Variants in EYS observed in about 807,000 individuals in gnomAD.
EYS encodes protein eyes shut homolog.
A neutral mutation model predicts 282.1 loss-of-function variants in EYS; 250 were observed. That is an observed-to-expected ratio of 0.89 (90% CI 0.80 to 0.98). EYS has a LOEUF of 0.98. Ranked by LOEUF, EYS falls within the 50% of genes least tolerant of loss-of-function variation. EYS has a pLI of 0.00. For missense variants in EYS, 4,016 were observed against 3,709.0 expected, an observed-to-expected ratio of 1.08 and a Z score of -2.15; for synonymous variants, 1,355 against 1,282.9, an observed-to-expected ratio of 1.06 and a Z score of -1.20.
chr6:65,466,579 C>T (rs547587998), intron 5 of EYS, among the ~76,000 whole-genome samples: 1 of 145,726 alleles, frequency 6.9e-6, no homozygotes, highest in Non-Finnish European at 1.5e-5. Flanking sequence ...AGGTCTTGGT[C>T]AAACCAAAAT....
At chr6:63,782,939 A>T (rs1228625474) in intron 39 of EYS, among the ~76,000 whole-genome samples, 1 of 149,212 alleles carries the variant, frequency 6.7e-6, no homozygotes, top group African/African-American at 2.5e-5. Context: ...TTTTTTTTTT[A>T]AACTGCAGTA....
chr6:65,502,138 A>G (rs1766475584), intron 2 of EYS, among the ~76,000 whole-genome samples: 3 of 151,762 alleles, frequency 2.0e-5, no homozygotes, highest in Non-Finnish European at 4.4e-5. Context: ...TTAAGTATAT[A>G]AAAGTCAAAG....
chr6:65,477,567 A>C (rs1471533289), intron 5 of EYS, among the ~76,000 whole-genome samples: 1 of 152,202 alleles, frequency 6.6e-6, no homozygotes, highest in Non-Finnish European at 1.5e-5. Flanking sequence ...ATCTGCCCCC[A>C]GTGATAGCCA....
At chr6:64,586,721 C>T (rs1033977018) in intron 26 of EYS, among the ~76,000 whole-genome samples, 3 of 151,766 alleles carry the variant, frequency 2.0e-5, no homozygotes, top group African/African-American at 7.3e-5. Flanking sequence ...AGGAAATGCC[C>T]CTTTGTCATT....
intron 2 of EYS, among the ~76,000 whole-genome samples, chr6:65,500,014 T>C (rs999504151): frequency 2.0e-5 from 3 of 150,538 alleles, no homozygotes; most frequent in Admixed American, 6.6e-5. Context: ...ATAAAAAGAG[T>C]AAAAAATAAA....
At chr6:64,368,426 G>T (rs913462582) in intron 29 of EYS, among the ~76,000 whole-genome samples, 2 of 152,082 alleles carry the variant, frequency 1.3e-5, no homozygotes, top group East Asian at 3.9e-4. Flanking sequence ...CTTTAGGTTA[G>T]AATGATTTAT....
intron 41 of EYS, among the ~76,000 whole-genome samples, chr6:63,732,567 G>C (rs1378128727): frequency 6.6e-6 from 1 of 152,182 alleles, no homozygotes; most frequent in Non-Finnish European, 1.5e-5. Flanking sequence ...CCAGTGATTA[G>C]TCATTGAGAT....
intron 28 of EYS, among the ~76,000 whole-genome samples, chr6:64,415,386 A>C (rs1774027925): frequency 6.6e-6 from 1 of 152,172 alleles, no homozygotes; most frequent in Non-Finnish European, 1.5e-5. Context: ...AAAAACAATA[A>C]ATGTTTTATT....
intron 2 of EYS, among the ~76,000 whole-genome samples, chr6:65,598,073 C>A (rs1765471382): frequency 6.6e-6 from 1 of 151,844 alleles, no homozygotes; most frequent in Non-Finnish European, 1.5e-5. Context: ...GCACTCTAAA[C>A]CTGGCAACAG....
chr6:64,870,034 G>A (rs1766543048), intron 19 of EYS, among the ~76,000 whole-genome samples: 1 of 151,574 alleles, frequency 6.6e-6, no homozygotes, highest in Non-Finnish European at 1.5e-5. Flanking sequence ...AGTTAGAACT[G>A]AAAGGATCAG....
intron 13 of EYS, among the ~76,000 whole-genome samples, chr6:65,014,134 C>T (rs1771971063): frequency 6.6e-6 from 1 of 152,116 alleles, no homozygotes; most frequent in East Asian, 1.9e-4. Context: ...ATCTGGTTTG[C>T]AGCAGCCAAG....
intron 13 of EYS, among the ~76,000 whole-genome samples, chr6:65,005,903 G>A (rs1454881682): frequency 6.6e-6 from 1 of 152,168 alleles, no homozygotes; most frequent in Non-Finnish European, 1.5e-5. Context: ...TCCCGACCAC[G>A]ACTTTTTTGA....
At chr6:65,316,906 TCTTTG>T (rs1224477000) in intron 11 of EYS, among the ~76,000 whole-genome samples, 1 of 152,210 alleles carries the variant, frequency 6.6e-6, no homozygotes, top group East Asian at 1.9e-4. Context: ...TGGTTCCAAG[TCTTTG>T]CTATTGTGAA....
chr6:63,912,158 C>T (rs1000746947), intron 35 of EYS, among the ~76,000 whole-genome samples: 2 of 152,116 alleles, frequency 1.3e-5, no homozygotes, highest in Non-Finnish European at 2.9e-5. Context: ...AGGAGCTTTG[C>T]ATTTTCTATT....
intron 26 of EYS, among the ~76,000 whole-genome samples, chr6:64,453,424 TCAAC>T (rs1775436364): frequency 6.6e-6 from 1 of 152,184 alleles, no homozygotes; most frequent in Non-Finnish European, 1.5e-5. Context: ...GTAAACTAGT[TCAAC>T]CATTGTGGAA....
intron 31 of EYS, among the ~76,000 whole-genome samples, chr6:64,101,250 A>G (rs758817976): frequency 2.6e-5 from 4 of 152,096 alleles, no homozygotes; most frequent in Non-Finnish European, 5.9e-5. Context: ...TTCTGTGCCA[A>G]CTGTCAAAAG....
chr6:65,334,306 G>A (rs1458926947), intron 11 of EYS, among the ~76,000 whole-genome samples: 1 of 151,712 alleles, frequency 6.6e-6, no homozygotes. Context: ...CTGTTGCCCA[G>A]GCTGGAGTGC....
At chr6:64,229,839 A>G (rs1766365197) in intron 31 of EYS, among the ~76,000 whole-genome samples, 1 of 152,202 alleles carries the variant, frequency 6.6e-6, no homozygotes. Flanking sequence ...AGTCTTGGAT[A>G]AGTAATAAAA....
intron 13 of EYS, among the ~76,000 whole-genome samples, chr6:65,027,041 G>A (rs1463513295): frequency 6.7e-6 from 1 of 148,454 alleles, no homozygotes; most frequent in African/African-American, 2.5e-5. Context: ...TTTTGACAGT[G>A]AGAAGCTTGG....
Sources: gnomAD v4.1 joint callset for allele counts (sites outside exome capture counted in the v4.1 genomes callset) on GRCh38, gnomAD v4.1.1 for gene constraint, MANE v1.5 for transcripts, NCBI Gene and HGNC (gene_info 2026-07-23, HGNC 2026-07-21) for gene names.